LRRFIP1: variants seen among roughly 807,000 people sequenced by gnomAD.
LRRFIP1 encodes the protein LRR binding FLII interacting protein 1.
A neutral mutation model predicts 104.4 loss-of-function variants in LRRFIP1; 62 were observed. The ratio of observed to expected loss-of-function variants is 0.59; its 90% CI spans 0.48 to 0.73. The LOEUF (loss-of-function observed/expected upper bound fraction) is 0.73, where lower values mean the gene tolerates loss of function less well. LRRFIP1 is among the 30% of genes least tolerant of loss of function. The pLI, the probability that LRRFIP1 is intolerant of heterozygous loss-of-function variation, is 0.00. For synonymous variants in LRRFIP1, 300 were observed against 299.0 expected, an observed-to-expected ratio of 1.00 and a Z score of -0.03; for missense variants, 796 against 824.5, an observed-to-expected ratio of 0.97 and a Z score of 0.42.
chr2:237,764,897 G>GT (rs1318975735), intron 19 of LRRFIP1: 4 of 985,498 alleles, frequency 4.1e-6, no homozygotes, highest in East Asian at 1.1e-4. Context: ...AAGATTTAAA[G>GT]TTTTTTTCTG....
intron 1 of LRRFIP1, among the ~76,000 whole-genome samples, chr2:237,694,023 A>T (rs1276869122): frequency 6.6e-6 from 1 of 152,226 alleles, no homozygotes; most frequent in Non-Finnish European, 1.5e-5. Flanking sequence ...CCAGTTCCAG[A>T]ACCCAATAAG....
intron 9 of LRRFIP1, among the ~76,000 whole-genome samples, chr2:237,734,273 C>CTTTTTTTT (rs71870330): frequency 4.4e-5 from 4 of 90,216 alleles, no homozygotes; most frequent in Non-Finnish European, 5.9e-5. Context: ...TGTTAATAAC[C>CTTTTTTTT]TTTTTTTTTT....
At chr2:237,748,050 A>G (rs930091976) in intron 11 of LRRFIP1, among the ~76,000 whole-genome samples, 1 of 152,130 alleles carries the variant, frequency 6.6e-6, no homozygotes, top group Non-Finnish European at 1.5e-5. Context: ...GGCTCTCTCC[A>G]GGGTCCGTTC....
chr2:237,708,825 C>A (rs779380050), intron 2 of LRRFIP1, 195 bp downstream of exon 2: 7 of 712,644 alleles, frequency 9.8e-6, no homozygotes, highest in South Asian at 4.5e-5. Context: ...GGCGTGCCTG[C>A]TCAGACCTGC....
At chr2:237,773,094 C>G (rs1162427198) in intron 22 of LRRFIP1, 149 bp downstream of exon 22, 11 of 633,796 alleles carry the variant, frequency 1.7e-5, no homozygotes, top group Non-Finnish European at 2.8e-5. Context: ...GCAAGTCTTT[C>G]CATCCGTTTC....
intron 19 of LRRFIP1, chr2:237,763,426 C>A: frequency 1.2e-6 from 2 of 1,613,324 alleles, no homozygotes; most frequent in Non-Finnish European, 1.7e-6. Flanking sequence ...AGACAAAGAA[C>A]AAGAAAAAGA....
rs550180585 is a variant in LRRFIP1, at chr2:237,711,242, A to G, written c.183+2612A>G. ...CTGATGAAATCGGGAAGTCTCACGT[A>G]AAACGCCATGGTTTGCCTTCTTCAG... On this transcript the variant is annotated intron_variant, in intron 2 of 23. Coordinates refer to ENST00000308482, the MANE Select transcript of LRRFIP1 (RefSeq NM_001137550.2). This position sits in a 1 kb window ranked among gnomAD's most constrained non-coding sequence, Gnocchi z 4.4. 1.4e-4 allele frequency among the ~76,000 whole-genome samples: 21 copies of G among 152,380 alleles called. No homozygotes were observed. The South Asian group carries it at 4.1e-3, about 30-fold the overall frequency.
chr2:237,723,735 G>A (rs1240984397), intron 7 of LRRFIP1, 149 bp downstream of exon 7: 3 of 940,424 alleles, frequency 3.2e-6, no homozygotes, highest in African/African-American at 1.6e-5. Context: ...TTACCCTGCA[G>A]AGTGAGCAGT....
At chr2:237,764,035 G>C in intron 19 of LRRFIP1, 1 of 1,614,240 alleles carries the variant, frequency 6.2e-7, no homozygotes, top group Non-Finnish European at 8.5e-7. Context: ...ACGATGACTT[G>C]TCGGCACCAG....
At chr2:237,671,991 T>C (rs1019339672) in intron 1 of LRRFIP1, among the ~76,000 whole-genome samples, 1 of 151,786 alleles carries the variant, frequency 6.6e-6, no homozygotes, top group Non-Finnish European at 1.5e-5. Flanking sequence ...TTCTTTTCCT[T>C]ATTTCCACTT....
chr2:237,764,379 T>G, intron 19 of LRRFIP1: 1 of 1,434,428 alleles, frequency 7.0e-7, no homozygotes, highest in Admixed American at 3.0e-5. Flanking sequence ...ATTGAGAGCA[T>G]TCCAGTAGTA....
Position 237,666,214 on chromosome 2 carries a change from C to T in LRRFIP1, c.96+38474C>T, listed in dbSNP as rs113821812. Reference sequence around the variant, plus strand: ...CCTGGCACATGGAAAGCTCTTGAGTCGGGCTCCATCCCCCAAATCGAGCAC... The same window carrying T: ...CCTGGCACATGGAAAGCTCTTGAGTTGGGCTCCATCCCCCAAATCGAGCAC... On this transcript the variant is annotated intron_variant, in intron 1 of 23. Coordinates refer to ENST00000308482, the MANE Select transcript of LRRFIP1 (RefSeq NM_001137550.2). Among the ~76,000 whole-genome samples, 532 of 152,370 alleles carry T rather than the reference C, an allele frequency of 3.5e-3. 3 individuals carry two copies. Among genetic ancestry groups the T allele is most frequent in the African/African-American group, 0.012 (506 of 41,580 alleles).
At chr2:237,744,907 C>T (rs919656042) in intron 11 of LRRFIP1, among the ~76,000 whole-genome samples, 2 of 152,246 alleles carry the variant, frequency 1.3e-5, no homozygotes, top group African/African-American at 2.4e-5. Context: ...CAGCCTGGAC[C>T]GTCTGCAGCC....
intron 8 of LRRFIP1, among the ~76,000 whole-genome samples, chr2:237,733,470 G>C (rs1333893116): frequency 1.3e-5 from 2 of 152,192 alleles, no homozygotes; most frequent in African/African-American, 4.8e-5. Context: ...TCACCATTCT[G>C]TCTCATCCCC....
chr2:237,773,124 G>A (rs2060791372), intron 22 of LRRFIP1, among the ~76,000 whole-genome samples, 179 bp downstream of exon 22: 1 of 152,204 alleles, frequency 6.6e-6, no homozygotes, highest in Non-Finnish European at 1.5e-5. Flanking sequence ...AAGCAGGAAG[G>A]AAAGAATTCT....
At chr2:237,668,211 G>A (rs2089790332) in intron 1 of LRRFIP1, among the ~76,000 whole-genome samples, 1 of 151,908 alleles carries the variant, frequency 6.6e-6, no homozygotes, top group South Asian at 2.1e-4. Context: ...TAGTGACCTC[G>A]GCAGCCTCCC....
intron 7 of LRRFIP1, among the ~76,000 whole-genome samples, chr2:237,724,049 CT>C (rs35094499): frequency 0.18 from 26,151 of 142,804 alleles, 2,124 homozygotes; most frequent in East Asian, 0.3. Flanking sequence ...TACAATCTGA[CT>C]TTTTTTTTTT....
At chr2:237,740,249 TAAAA>T (rs548413594) in intron 11 of LRRFIP1, among the ~76,000 whole-genome samples, 5 of 125,706 alleles carry the variant, frequency 4.0e-5, no homozygotes, top group Admixed American at 8.1e-5. Flanking sequence ...CTCTAAACAG[TAAAA>T]AAAAAAAAAA....
intron 1 of LRRFIP1, among the ~76,000 whole-genome samples, chr2:237,697,081 G>T (rs2093238742): frequency 6.6e-6 from 1 of 152,098 alleles, no homozygotes; most frequent in African/African-American, 2.4e-5. Context: ...GAATGCAATG[G>T]CACAATCTCA....
Sources: gnomAD v4.1 joint callset for allele counts (sites outside exome capture counted in the v4.1 genomes callset) on GRCh38, gnomAD v4.1.1 for gene constraint, Gnocchi (gnomAD v3.1) non-coding constraint, MANE v1.5 for transcripts, NCBI Gene and HGNC (gene_info 2026-07-23, HGNC 2026-07-21) for gene names.